SVIL: variants seen among roughly 807,000 people sequenced by gnomAD.
The protein encoded by SVIL is supervillin.
SVIL carries 101 observed loss-of-function variants against 240.4 expected under a neutral mutation model. The observed-to-expected ratio is 0.42, with a 90% CI of 0.36 to 0.50. SVIL has a LOEUF of 0.50. Ranked by LOEUF, SVIL falls within the 20% of genes least tolerant of loss-of-function variation. The probability of loss-of-function intolerance (pLI) is 0.01; values close to 1 mark genes in which losing one functional copy is unlikely to be tolerated. For missense variants in SVIL, 2,512 were observed against 2,818.7 expected (o/e 0.89, Z 2.46); for synonymous variants, 999 against 1,100.0 (o/e 0.91, Z 1.82).
At chr10:29,665,516 C>T (rs1454799840) in intron 2 of SVIL, among the ~76,000 whole-genome samples, 1 of 152,110 alleles carries the variant, frequency 6.6e-6, no homozygotes, top group Non-Finnish European at 1.5e-5. Context: ...CTACTGCTGG[C>T]CAGGCACAGT....
At chr10:29,648,052 A>C (rs561547187) in intron 3 of SVIL, among the ~76,000 whole-genome samples, 3 of 150,894 alleles carry the variant, frequency 2.0e-5, no homozygotes, top group Non-Finnish European at 4.4e-5. Flanking sequence ...CCACCAGCCC[A>C]TGAAATGTTA....
chr10:29,656,636 G>C (rs372681494), intron 3 of SVIL, among the ~76,000 whole-genome samples: 14 of 152,224 alleles, frequency 9.2e-5, no homozygotes, highest in African/African-American at 2.9e-4. Flanking sequence ...AAATGTGGAC[G>C]CTGATTCAAC....
At chr10:29,648,007 A>G (rs1189123328) in intron 3 of SVIL, among the ~76,000 whole-genome samples, 1 of 151,280 alleles carries the variant, frequency 6.6e-6, no homozygotes, top group Non-Finnish European at 1.5e-5. Flanking sequence ...ATTACCAGAA[A>G]AAAAAAAAAA....
At chr10:29,601,306 G>A (rs1956802404) in intron 1 of SVIL, among the ~76,000 whole-genome samples, 1 of 152,200 alleles carries the variant, frequency 6.6e-6, no homozygotes, top group Non-Finnish European at 1.5e-5. Context: ...TTCCAGAGCT[G>A]AAACTGAAAA....
rs567729148 is a variant in SVIL at position 29,684,845 on chromosome 10, C to T, written c.-301+1708G>A. Reference sequence around the variant, plus strand: ...ATTTGTTTTCAGTGCCTGCTATGGACCATATGATGCTACAGTAGAGTCAGG... The same window carrying T: ...ATTTGTTTTCAGTGCCTGCTATGGATCATATGATGCTACAGTAGAGTCAGG... On this transcript the variant is annotated intron_variant, in intron 2 of 35. Coordinates refer to the SVIL transcript ENST00000375400. Among the ~76,000 whole-genome samples, 6 of 152,212 alleles carry T rather than the reference C, an allele frequency of 3.9e-5. No individual in the cohort carries two copies. In the South Asian group the frequency reaches 6.2e-4, roughly 16 times the overall value.
chr10:29,696,829 G>GC (rs1256422024), intron 1 of SVIL, among the ~76,000 whole-genome samples: 2 of 149,568 alleles, frequency 1.3e-5, no homozygotes, highest in African/African-American at 4.9e-5. Context: ...GTGGGGCTCA[G>GC]CCCCCCGCCC....
chr10:29,531,380 T>C, intron 9 of SVIL, 92 bp from the exon 10 acceptor site: 1 of 1,257,166 alleles, frequency 8.0e-7, no homozygotes, highest in South Asian at 1.3e-5. Context: ...AAAATAAAAA[T>C]GCAATTAAAT....
chr10:29,687,058 TA>T (rs1961119102), intron 1 of SVIL, among the ~76,000 whole-genome samples: 1 of 152,204 alleles, frequency 6.6e-6, no homozygotes, highest in South Asian at 2.1e-4. Flanking sequence ...GAAGAGCTGT[TA>T]CTAGCATTAT....
intron 13 of SVIL, among the ~76,000 whole-genome samples, chr10:29,526,754 G>T (rs1442763771): frequency 1.3e-5 from 2 of 152,230 alleles, no homozygotes; most frequent in Non-Finnish European, 2.9e-5. Context: ...CATAACATAT[G>T]CAGAGAGACA....
Position 29,499,160 on chromosome 10 carries a change from T to C in SVIL, c.3620A>G (p.Asn1207Ser). Reference protein sequence around the residue: ...AWKTRGRGAANDSTQFTVAGR... With the variant: ...AWKTRGRGAASDSTQFTVAGR... Reference sequence around the variant, plus strand: ...AGCCACAGTGAACTGGGTCGAGTCGTTGGCCGCTCCTCTGCCTCTCGTCTT... The same window carrying C: ...AGCCACAGTGAACTGGGTCGAGTCGCTGGCCGCTCCTCTGCCTCTCGTCTT... Residue 1207 changes from asparagine to serine, a missense_variant, in exon 18 of 38, where the codon AAC (asparagine) becomes AGC (serine). Transcript: ENST00000355867. 6.2e-7 allele frequency: 1 copy of C among 1,614,128 alleles called. No individual in the cohort carries two copies. Among genetic ancestry groups the C allele is most frequent in the East Asian group, 2.2e-5 (1 of 44,878 alleles).
Position 29,544,754 on chromosome 10 carries a change from TAAA to T in SVIL, c.827+5840_827+5842del, listed in dbSNP as rs373279682. The stretch of plus-strand genomic sequence containing the variant: ...CTGGGCAACAGAGTGAGACCTTTTC[TAAA>T]AAAAAAAAAAAAAAAAAAAAAAGAA... On this transcript the variant is annotated intron_variant, in intron 6 of 37. Coordinates refer to ENST00000355867, the MANE Select transcript of SVIL (RefSeq NM_021738.3). Among the ~76,000 whole-genome samples, 9 of 70,316 alleles carry T rather than the reference TAAA, an allele frequency of 1.3e-4. No individual in the cohort carries two copies. The South Asian group carries it at 1.6e-3, about 12-fold the overall frequency. The allele number at this position is 70,316 out of a possible 152,430, so 46.1% of individuals were successfully genotyped here.
At chr10:29,710,842 AT>A (rs1405199670) in intron 1 of SVIL, among the ~76,000 whole-genome samples, 1 of 152,228 alleles carries the variant, frequency 6.6e-6, no homozygotes, top group African/African-American at 2.4e-5. Context: ...TTCAAAAAAA[AT>A]CAATGTAAAA....
intron 1 of SVIL, among the ~76,000 whole-genome samples, chr10:29,633,070 A>G (rs1363965299): frequency 1.3e-5 from 2 of 151,916 alleles, no homozygotes; most frequent in South Asian, 2.1e-4. Context: ...CGTCTCTACT[A>G]AAAATACAAA....
intron 18 of SVIL, chr10:29,496,444 G>C (rs1948448673): frequency 2.2e-6 from 1 of 454,806 alleles, no homozygotes; most frequent in African/African-American, 2.0e-5. Flanking sequence ...CATTAGCACA[G>C]AGGCCGTTAA....
intron 1 of SVIL, 106 bp from the exon 2 acceptor site, chr10:29,569,418 A>C: frequency 4.9e-6 from 2 of 409,678 alleles, no homozygotes; most frequent in Non-Finnish European, 6.6e-6. Flanking sequence ...TTTAAGAAAA[A>C]GAAAACCATT....
Position 29,707,129 on chromosome 10 carries a change from T to C in SVIL, c.-399-20478A>G, listed in dbSNP as rs565298684. 3.0e-4 allele frequency among the ~76,000 whole-genome samples: 45 copies of C among 152,320 alleles called. 1 individual carries two copies. Among genetic ancestry groups the C allele is most frequent in the African/African-American group, 9.9e-4 (41 of 41,570 alleles). On this transcript the variant is annotated intron_variant, in intron 1 of 35. Transcript: ENST00000375400. ...TTATCTTGCCTATACGGGCTCTTTTTTGGTTCCATGTAAAAATTAAAGTAG... is the reference window on the plus strand; with the variant it reads ...TTATCTTGCCTATACGGGCTCTTTTCTGGTTCCATGTAAAAATTAAAGTAG...
intron 1 of SVIL, among the ~76,000 whole-genome samples, chr10:29,692,467 T>A (rs960521933): frequency 1.3e-5 from 2 of 152,024 alleles, no homozygotes; most frequent in African/African-American, 4.8e-5. Context: ...CATAAGAGCC[T>A]GCAATGAGAT....
chr10:29,536,911 C>CAAAAAAAA (rs59133069), intron 6 of SVIL, among the ~76,000 whole-genome samples: 82 of 89,654 alleles, frequency 9.1e-4, no homozygotes, highest in African/African-American at 1.6e-3. Context: ...GACTCTGTCA[C>CAAAAAAAA]AAAAAAAAAA....
chr10:29,508,017 A>G (rs1949507858), intron 17 of SVIL: 2 of 202,962 alleles, frequency 9.9e-6, no homozygotes, highest in African/African-American at 4.6e-5. Context: ...CGCGGTAAAT[A>G]TACCTGAGTC....
Sources: gnomAD v4.1 joint callset for allele counts (sites outside exome capture counted in the v4.1 genomes callset) on GRCh38, gnomAD v4.1.1 for gene constraint, MANE v1.5 for transcripts, NCBI Gene and HGNC (gene_info 2026-07-23, HGNC 2026-07-21) for gene names.